Variants in DCST2 observed in about 807,000 individuals in gnomAD.
DCST2 encodes DC-STAMP domain containing 2.
Under a neutral mutation model 81.8 loss-of-function variants are expected in DCST2, and 64 were observed. The ratio of observed to expected loss-of-function variants is 0.78; its 90% CI spans 0.64 to 0.96. The LOEUF is 0.96. Among genes scored for constraint, DCST2 ranks in the 40% least tolerant of loss-of-function variants. The pLI, the probability that DCST2 is intolerant of heterozygous loss-of-function variation, is 0.00. For synonymous variants in DCST2, 354 were observed against 402.6 expected, an observed-to-expected ratio of 0.88 and a Z score of 1.44; for missense variants, 945 against 1,001.4, an observed-to-expected ratio of 0.94 and a Z score of 0.76.
chr1:155,019,952 C>T (rs1211476368), intron 14 of DCST2, among the ~76,000 whole-genome samples: 1 of 152,238 alleles, frequency 6.6e-6, no homozygotes, highest in Non-Finnish European at 1.5e-5. Context: ...CTCCCAGCTG[C>T]CTGCTCTGCT....
intron 8 of DCST2, 24 bp from the exon 9 acceptor site, chr1:155,026,739 T>A: frequency 6.2e-7 from 1 of 1,612,910 alleles, no homozygotes; most frequent in Non-Finnish European, 8.5e-7. Context: ...ACTGTGTGAG[T>A]GACACTCATG....
Position 155,028,595 on chromosome 1 carries a change from C to T in DCST2, c.1342+638G>A, listed in dbSNP as rs988976172. Among the ~76,000 whole-genome samples the T allele has an allele frequency of 4.7e-5, 7 of 148,956 alleles. No homozygotes were observed. The South Asian group carries it at 1.1e-3, about 23-fold the overall frequency. On this transcript the variant is annotated intron_variant, in intron 8 of 14. Coordinates refer to ENST00000368424, the MANE Select transcript of DCST2 (RefSeq NM_144622.3). ...TGAGACTCCATCTCAAAAAAAAAGG[C>T]CAAGCATGGTGGCTCACACCTGTAA...
At chr1:155,033,317 A>T in intron 1 of DCST2, 53 bp from the exon 2 acceptor site, 1 of 1,591,544 alleles carries the variant, frequency 6.3e-7, no homozygotes, top group Non-Finnish European at 8.5e-7. Flanking sequence ...ACATGGCAGC[A>T]AGTCCCTTAC....
chr1:155,023,783 A>G (rs1346822447), intron 12 of DCST2, 49 bp downstream of exon 12: 3 of 1,609,136 alleles, frequency 1.9e-6, no homozygotes, highest in Non-Finnish European at 2.5e-6. Flanking sequence ...GTCATATGCA[A>G]GTGGGGTAAG....
intron 14 of DCST2, 129 bp downstream of exon 14, chr1:155,022,988 A>T: frequency 7.1e-7 from 1 of 1,412,142 alleles, no homozygotes; most frequent in Non-Finnish European, 9.5e-7. Flanking sequence ...AACCTCAGTT[A>T]CTTCCCCTCC....
intron 14 of DCST2, among the ~76,000 whole-genome samples, chr1:155,020,068 T>C (rs1659706580): frequency 6.6e-6 from 1 of 152,128 alleles, no homozygotes; most frequent in Admixed American, 6.5e-5. Flanking sequence ...CCTCTGCCTC[T>C]GCCAGCCTGC....
rs370155627 is a variant in DCST2, at chr1:155,030,625, G to A, written c.826C>T (p.Arg276Trp). 33 of 1,614,052 alleles carry A rather than the reference G, an allele frequency of 2.0e-5. No homozygotes were observed. The highest frequency in any genetic ancestry group is 2.0e-4 in the East Asian group (9 of 44,870). Residue 276 changes from arginine (R) to tryptophan (W), a missense_variant, in exon 6 of 15, where the codon CGG becomes TGG. Coordinates refer to ENST00000368424, the MANE Select transcript of DCST2 (RefSeq NM_144622.3). ...TTGAACTCAAACTCCTGACGCACCCGGTTGAGCAACTGAATCACGGCTGGG... is the reference window on the plus strand; with the variant it reads ...TTGAACTCAAACTCCTGACGCACCCAGTTGAGCAACTGAATCACGGCTGGG... Reference protein sequence around the residue: ...IGTPVIQLLNRVRQEFEFNMT... With the variant: ...IGTPVIQLLNWVRQEFEFNMT...
At chr1:155,027,733 T>C (rs1373700385) in intron 8 of DCST2, among the ~76,000 whole-genome samples, 3 of 149,476 alleles carry the variant, frequency 2.0e-5, no homozygotes, top group Non-Finnish European at 4.4e-5. Context: ...GCTCATTTTT[T>C]TGTATTTTTA....
rs1660004363 is a variant in DCST2 at position 155,029,397 on chromosome 1, C to G, written c.1178G>C (p.Gly393Ala). 1 of 1,613,562 alleles carries G rather than the reference C, an allele frequency of 6.2e-7. No individual in the cohort carries two copies. The highest frequency in any genetic ancestry group is 8.5e-7 in the Non-Finnish European group (1 of 1,179,694). The change falls in exon 8 of 15, where the codon GGC becomes GCC. Residue 393 changes from glycine to alanine, a missense_variant and splice_region_variant. By Grantham distance (60) the Gly-to-Ala change is moderately conservative (BLOSUM62 0). Transcript: ENST00000368424. ...CTCCCATTGGGACAAGAAGATGGAG[C>G]CTGAGCAGGAGTGGGATGGTCAGGA... ...AHEARRYIPPGSIFLSQWEKF... is the reference protein window; with the variant it reads ...AHEARRYIPPASIFLSQWEKF...
At chr1:155,021,940 C>T (rs1321972983) in intron 14 of DCST2, among the ~76,000 whole-genome samples, 5 of 151,224 alleles carry the variant, frequency 3.3e-5, no homozygotes, top group South Asian at 2.1e-4. Flanking sequence ...GATCTTGGCT[C>T]ACTGCAATCT....
At chr1:155,026,742 C>T (rs1266583398) in intron 8 of DCST2, 27 bp from the exon 9 acceptor site, 3 of 1,612,284 alleles carry the variant, frequency 1.9e-6, no homozygotes, top group South Asian at 1.1e-5. Context: ...GTGTGAGTGA[C>T]ACTCATGGCA....
intron 12 of DCST2, 31 bp from the exon 13 acceptor site, chr1:155,023,488 C>T (rs1385323090): frequency 6.4e-7 from 1 of 1,558,938 alleles, no homozygotes; most frequent in Non-Finnish European, 8.7e-7. Context: ...TGGAGGTGAA[C>T]CCGAGTTCAC....
chr1:155,031,080 G>C (rs1345237082), intron 5 of DCST2, 89 bp downstream of exon 5: 1 of 1,351,236 alleles, frequency 7.4e-7, no homozygotes, highest in Non-Finnish European at 1.0e-6. Context: ...TTTATGGGCT[G>C]GGAGCACTGG....
intron 5 of DCST2, chr1:155,030,858 G>A (rs543726802): frequency 4.9e-6 from 3 of 614,576 alleles, no homozygotes; most frequent in Admixed American, 3.0e-5. Context: ...GCATGACACA[G>A]GGCATGCAAC....
Position 155,031,622 on chromosome 1 carries a change from A to G in DCST2, c.691T>C (p.Cys231Arg). 2 of 1,613,708 alleles carry G rather than the reference A, an allele frequency of 1.2e-6. No individual in the cohort carries two copies. Among genetic ancestry groups the G allele is most frequent in the Non-Finnish European group, 1.7e-6 (2 of 1,179,970 alleles). Reference protein sequence around the residue: ...MMVIPQAYHLCYVLMPFKLAL... With the variant: ...MMVIPQAYHLRYVLMPFKLAL... Reference sequence around the variant, plus strand: ...AGTTTGAAGGGCATGAGCACGTAACACAGGTGGTAGGCTTGTGGTATGACC... The same window carrying G: ...AGTTTGAAGGGCATGAGCACGTAACGCAGGTGGTAGGCTTGTGGTATGACC... Residue 231 changes from cysteine (C) to arginine (R), a missense_variant, in exon 4 of 15, where the codon TGT becomes CGT. By Grantham distance (180) the Cys-to-Arg change is radical. Coordinates refer to ENST00000368424, the MANE Select transcript of DCST2 (RefSeq NM_144622.3).
intron 11 of DCST2, 42 bp downstream of exon 11, chr1:155,024,430 T>A (rs1343796847): frequency 6.6e-7 from 1 of 1,512,896 alleles, no homozygotes; most frequent in Admixed American, 2.2e-5. Flanking sequence ...TCTTTTTCTA[T>A]CCCCTCTTGC....
Position 155,031,623 on chromosome 1 carries a change from C to T in DCST2, c.690G>A (p.Leu230=), listed in dbSNP as rs939973397. 26 of 1,607,320 alleles carry T rather than the reference C, an allele frequency of 1.6e-5. No homozygotes were observed. The highest frequency in any genetic ancestry group is 2.7e-5 in the African/African-American group (2 of 74,530). Residue 230 remains leucine (L), a synonymous_variant, in exon 4 of 15, where the codon CTG becomes CTA. Transcript: ENST00000368424. Reference sequence around the variant, plus strand: ...GTTTGAAGGGCATGAGCACGTAACACAGGTGGTAGGCTTGTGGTATGACCA... The same window carrying T: ...GTTTGAAGGGCATGAGCACGTAACATAGGTGGTAGGCTTGTGGTATGACCA... The part of the protein sequence containing the change: ...CMMVIPQAYH[L]CYVLMPFKLA...
At chr1:155,029,680 T>C (rs898274940) in intron 7 of DCST2, among the ~76,000 whole-genome samples, 5 of 152,032 alleles carry the variant, frequency 3.3e-5, no homozygotes, top group Non-Finnish European at 5.9e-5. Flanking sequence ...CCTCATCCCC[T>C]TACCTGCCTC....
In DCST2 at chr1:155,026,532, A is replaced by T. The variant is rs1346681050; in HGVS notation, c.1510+16T>A. The T allele has an allele frequency of 6.2e-7, 1 of 1,613,818 alleles. No homozygotes were observed. The highest frequency in any genetic ancestry group is 2.2e-5 in the East Asian group (1 of 44,882). ...TGGTGTCCACGCCCCCAGGGACCTC[A>T]GGGTGTAGTTGATACCAATGACTAT... On this transcript the variant is annotated intron_variant, in intron 9 of 14. Coordinates refer to ENST00000368424, the MANE Select transcript of DCST2 (RefSeq NM_144622.3).
Sources: gnomAD v4.1 joint callset for allele counts (sites outside exome capture counted in the v4.1 genomes callset) on GRCh38, gnomAD v4.1.1 for gene constraint, MANE v1.5 for transcripts, NCBI Gene and HGNC (gene_info 2026-07-23, HGNC 2026-07-21) for gene names.